The following KCNG4 variants were observed in gnomAD, a reference collection of about 807,000 sequenced individuals.
KCNG4 encodes the protein voltage-gated potassium channel regulatory subunit KCNG4.
A neutral mutation model predicts 28.2 loss-of-function variants in KCNG4; 30 were observed. The observed-to-expected ratio is 1.06, with a 90% CI of 0.80 to 1.44. KCNG4 has a LOEUF of 1.44. Among genes scored for constraint, KCNG4 ranks in the 40% most tolerant of loss-of-function variants. KCNG4 has a pLI of 0.00. For missense variants in KCNG4, 879 were observed against 712.3 expected (o/e 1.23, Z -2.66); for synonymous variants, 375 against 315.5 (o/e 1.19, Z -2.00).
chr16:84,233,431 G>A (rs1055408321), intron 2 of KCNG4, among the ~76,000 whole-genome samples: 5 of 152,312 alleles, frequency 3.3e-5, no homozygotes, highest in African/African-American at 7.2e-5. Context: ...GGCTGGGCAC[G>A]GTGGTTCATG....
chr16:84,230,591 A>C lies in KCNG4; in HGVS notation c.756+6139T>G, dbSNP rs568011291. ...CGTCTCAAAATAAACAAACAAAGAA[A>C]ACTCTCTCTGTGCCTTCCTTCCCCT... On this transcript the variant is annotated intron_variant, in intron 2 of 2. Transcript: ENST00000308251. Among the ~76,000 whole-genome samples, 7 of 152,144 alleles carry C rather than the reference A, an allele frequency of 4.6e-5. No homozygotes were observed. In the East Asian group the frequency reaches 1.4e-3, roughly 30 times the overall value.
In KCNG4 at chr16:84,237,098, C is replaced by A. The variant is rs767402299; in HGVS notation, c.388G>T (p.Gly130Trp). The change falls in exon 2 of 3, where the codon GGG (glycine) becomes TGG (tryptophan). Residue 130 changes from glycine (G) to tryptophan (W), a missense_variant. By Grantham distance (184) the Gly-to-Trp change is radical. Coordinates refer to ENST00000308251, the MANE Select transcript of KCNG4 (RefSeq NM_172347.3). Reference sequence around the variant, plus strand: ...ATCTCCTGCAGAAGCACCAGCTTCCCGGCCGCCAGGAAGCTCACGATCACC... The same window carrying A: ...ATCTCCTGCAGAAGCACCAGCTTCCAGGCCGCCAGGAAGCTCACGATCACC... ...FGVIVSFLAA[G>W]KLVLLQEMCA... 6.2e-7 allele frequency: 1 copy of A among 1,614,094 alleles called. No homozygotes were observed. Among genetic ancestry groups the A allele is most frequent in the South Asian group, 1.1e-5 (1 of 91,086 alleles).
chr16:84,236,352 T>C, intron 2 of KCNG4: 1 of 350,504 alleles, frequency 2.9e-6, no homozygotes, highest in South Asian at 6.7e-5. Context: ...GAGGTGATGT[T>C]ACCCATTTCA....
At chr16:84,237,568 C>A (rs1905005398) in intron 1 of KCNG4, 43 bp from the exon 2 acceptor site, 2 of 1,374,790 alleles carry the variant, frequency 1.5e-6, no homozygotes, top group African/African-American at 1.4e-5. Flanking sequence ...GAAGGGAAAT[C>A]AGTCTTGGGG....
At chr16:84,229,161 G>C (rs756721028) in intron 2 of KCNG4, among the ~76,000 whole-genome samples, 10 of 152,064 alleles carry the variant, frequency 6.6e-5, no homozygotes, top group African/African-American at 1.2e-4. Flanking sequence ...TTAGCCTGGC[G>C]TGGTGGTGCA....
In KCNG4 at chr16:84,222,705, G is replaced by A. The variant is rs1904600453; in HGVS notation, c.1072C>T (p.Gln358Ter). The change falls in exon 3 of 3, where the codon CAG (glutamine) becomes TAG (stop). Residue 358 changes from glutamine to a stop codon, truncating the protein, a stop_gained. Coordinates refer to ENST00000308251, the MANE Select transcript of KCNG4 (RefSeq NM_172347.3). LOFTEE classifies it high-confidence loss of function. ...MRLARHSLGL[Q>*]TLGLTVRRCT... ...CGGCGCACGGTGAGCCCCAGCGTCTGCAGCCCCAGCGAGTGGCGAGCCAGG... is the reference window on the plus strand; with the variant it reads ...CGGCGCACGGTGAGCCCCAGCGTCTACAGCCCCAGCGAGTGGCGAGCCAGG... 1 of 1,613,252 alleles carries A rather than the reference G, an allele frequency of 6.2e-7. No individual in the cohort carries two copies. Among genetic ancestry groups the A allele is most frequent in the Non-Finnish European group, 8.5e-7 (1 of 1,179,790 alleles).
intron 1 of KCNG4, among the ~76,000 whole-genome samples, chr16:84,238,286 A>G (rs1905025536): frequency 6.6e-6 from 1 of 152,232 alleles, no homozygotes; most frequent in Admixed American, 6.5e-5. Flanking sequence ...AGCACCTGAC[A>G]TCAGGAAGGT....
At position 84,222,115 on chromosome 16, in the gene KCNG4, G is replaced by A. The variant is rs1904575937; in HGVS notation, c.*102C>T. The A allele has an allele frequency of 2.5e-6, 3 of 1,222,142 alleles. No individual in the cohort carries two copies. The highest frequency in any genetic ancestry group is 3.5e-6 in the Non-Finnish European group (3 of 851,874). 75.7% of individuals were successfully genotyped at this position (1,222,142 alleles called of 1,614,324 possible). ...CCTCCAGCTTTGAAAGTCTTCCCTG[G>A]GCTCTAGAAACACCACCAGGTGGTC... On this transcript the variant is annotated 3_prime_UTR_variant, in exon 3 of 3. Coordinates refer to ENST00000308251, the MANE Select transcript of KCNG4 (RefSeq NM_172347.3).
Position 84,222,984 on chromosome 16 carries a change from C to CGCA in KCNG4, c.792_793insTGC (p.Ile264_Val265insCys). The CGCA allele has an allele frequency of 1.3e-6, 2 of 1,544,548 alleles. No individual in the cohort carries two copies. The highest frequency in any genetic ancestry group is 2.5e-5 in the South Asian group (2 of 80,396). On this transcript the variant is annotated inframe_insertion, in exon 3 of 3. Coordinates refer to ENST00000308251, the MANE Select transcript of KCNG4 (RefSeq NM_172347.3). Reference sequence around the variant, plus strand: ...AACCAGGCCACGCAGATGGTCTCCACGATGAAAATATAGTAGCACTTCCGA... The same window carrying CGCA: ...AACCAGGCCACGCAGATGGTCTCCACGCAGATGAAAATATAGTAGCACTTCCGA...
Position 84,220,907 on chromosome 16 carries a change from C to A in KCNG4, c.*1310G>T. The A allele has an allele frequency of 6.6e-6, 1 of 152,564 alleles. No individual in the cohort carries two copies. The allele number at this position is 152,564 out of a possible 1,614,324, so 9.5% of individuals were successfully genotyped here. A position where few individuals can be genotyped will look rare whatever the true frequency, so the allele number is the denominator to read the frequency against. ...AGCCTGTGCACATCACTCTGCCCTC[C>A]ATAAAGCATTCAAGGCCCACGCCTT... On this transcript the variant is annotated 3_prime_UTR_variant, in exon 3 of 3. Transcript: ENST00000308251.
chr16:84,222,444 T>A lies in KCNG4; in HGVS notation c.1333A>T (p.Ile445Phe). 1 of 1,614,072 alleles carries A rather than the reference T, an allele frequency of 6.2e-7. No individual in the cohort carries two copies. Among genetic ancestry groups the A allele is most frequent in the Non-Finnish European group, 8.5e-7 (1 of 1,180,018 alleles). ...ALSSILSGIL[I>F]MAFPATSIFH... ...ATAGACGTGGCCGGGAAGGCCATGA[T>A]GAGGATCCCGCTCAGGATGCTGCTG... The change falls in exon 3 of 3, where the codon ATC (isoleucine) becomes TTC (phenylalanine). Residue 445 changes from isoleucine (I) to phenylalanine (F), a missense_variant. Transcript: ENST00000308251.
At chr16:84,237,622 C>T (rs756031832) in intron 1 of KCNG4, 97 bp from the exon 2 acceptor site, 5 of 783,714 alleles carry the variant, frequency 6.4e-6, no homozygotes, top group Admixed American at 6.8e-5. Flanking sequence ...CTTACGTGTG[C>T]TTTCCTGTGA....
rs1440323566 is a variant in KCNG4, at chr16:84,219,314, C to T, written c.*2903G>A. On this transcript the variant is annotated 3_prime_UTR_variant, in exon 3 of 3. Coordinates refer to ENST00000308251, the MANE Select transcript of KCNG4 (RefSeq NM_172347.3). ...CTAACTGAGGGGGAAGGGGCCTGCC[C>T]GAGGTCACACAGGGAGTGAAGACAC... 2.6e-5 allele frequency: 4 copies of T among 152,476 alleles called. No homozygotes were observed. The highest frequency in any genetic ancestry group is 6.5e-5 in the Admixed American group (1 of 15,280). 9.4% of individuals were successfully genotyped at this position (152,476 alleles called of 1,614,324 possible). A position where few individuals can be genotyped will look rare whatever the true frequency, so the allele number is the denominator to read the frequency against.
At chr16:84,239,014 A>C (rs1905041719) in intron 1 of KCNG4, among the ~76,000 whole-genome samples, 1 of 152,220 alleles carries the variant, frequency 6.6e-6, no homozygotes, top group Non-Finnish European at 1.5e-5. Context: ...TCTCACCTTC[A>C]GATCCTGCAA....
Position 84,237,132 on chromosome 16 carries a change from G to T in KCNG4, c.354C>A (p.Ser118Arg), listed in dbSNP as rs149792559. Residue 118 changes from serine (S) to arginine (R), a missense_variant, in exon 2 of 3, where the codon AGC becomes AGA. Ser to Arg is a moderately radical substitution (Grantham distance 110). Transcript: ENST00000308251. ...GGAAGCTCACGATCACCCCGAAGGC[G>T]CTGGGGCTCCTGTCGAAGAAGAACT... Reference protein sequence around the residue: ...SQEFFFDRSPSAFGVIVSFLA... With the variant: ...SQEFFFDRSPRAFGVIVSFLA... 5 of 1,614,138 alleles carry T rather than the reference G, an allele frequency of 3.1e-6. No homozygotes were observed. The South Asian group carries it at 4.4e-5, about 14-fold the overall frequency.
rs1904873541 is a variant in KCNG4, at chr16:84,233,474, A to G, written c.756+3256T>C. On this transcript the variant is annotated intron_variant, in intron 2 of 2. Transcript: ENST00000308251. ...TCCTGGCAGTTTGAGAGGCCAAGGC[A>G]GGCAGATCGCTTGAACTCAGGAGTT... Among the ~76,000 whole-genome samples, 3 of 152,170 alleles carry G rather than the reference A, an allele frequency of 2.0e-5. No individual in the cohort carries two copies. The South Asian group carries it at 6.2e-4, about 32-fold the overall frequency.
rs775950447 is a variant in KCNG4, at chr16:84,236,886, C to T, written c.600G>A (p.Trp200Ter). 1 of 1,613,512 alleles carries T rather than the reference C, an allele frequency of 6.2e-7. No individual in the cohort carries two copies. Among genetic ancestry groups the T allele is most frequent in the South Asian group, 1.1e-5 (1 of 91,076 alleles). ...CGCGCAGCCGGTTCATGCACAGGCC[C>T]CAGCGCGAGGAGTGCGAGGCGGGGC... ...TRRPASHSSR[W>*]GLCMNRLREM... Residue 200 changes from tryptophan (W) to a stop codon, truncating the protein, a stop_gained, in exon 2 of 3, where the codon TGG becomes TGA. Coordinates refer to ENST00000308251, the MANE Select transcript of KCNG4 (RefSeq NM_172347.3). LOFTEE classifies it high-confidence loss of function.
In KCNG4 at chr16:84,221,998, G is replaced by A. The variant is rs1024946106; in HGVS notation, c.*219C>T. 1 of 580,256 alleles carries A rather than the reference G, an allele frequency of 1.7e-6. No homozygotes were observed. The highest frequency in any genetic ancestry group is 1.9e-5 in the African/African-American group (1 of 53,402). The allele number at this position is 580,256 out of a possible 1,614,324, so 35.9% of individuals were successfully genotyped here. Reference sequence around the variant, plus strand: ...ATGCTCAGTAGATGGGCAGAGAGAGGAAAAGGCAAGCAGGCTGGACACAGT... The same window carrying A: ...ATGCTCAGTAGATGGGCAGAGAGAGAAAAAGGCAAGCAGGCTGGACACAGT... On this transcript the variant is annotated 3_prime_UTR_variant, in exon 3 of 3. Transcript: ENST00000308251.
Position 84,222,760 on chromosome 16 carries a change from C to A in KCNG4, c.1017G>T (p.Leu339=), listed in dbSNP as rs775996115. 24 of 1,611,732 alleles carry A rather than the reference C, an allele frequency of 1.5e-5. No homozygotes were observed. The highest frequency in any genetic ancestry group is 3.3e-5 in the Admixed American group (2 of 59,716). Residue 339 remains leucine (L), a synonymous_variant, in exon 3 of 3, where the codon CTG becomes CTT. Transcript: ENST00000308251. ...TCACGTAGAGGATGCGCAGCGCTCG[C>A]AGCACACGCAGGACCAGCCCCACCT... is the stretch of plus-strand genomic sequence containing the variant. ...LEKVGLVLRV[L]RALRILYVMR...
Sources: allele counts gnomAD v4.1 joint callset (sites outside exome capture counted in the v4.1 genomes callset), GRCh38; gene constraint gnomAD v4.1.1; transcripts MANE v1.5; gene names NCBI Gene and HGNC (gene_info 2026-07-23, HGNC 2026-07-21).